IMMP2L: variants seen among roughly 807,000 people sequenced by gnomAD.
The protein encoded by IMMP2L is mitochondrial inner membrane protease subunit 2.
Under a neutral mutation model 19.3 loss-of-function variants are expected in IMMP2L, and 18 were observed. That is an observed-to-expected ratio of 0.93 (90% CI 0.64 to 1.38). The LOEUF is 1.38. Ranked by LOEUF, IMMP2L falls within the 40% of genes most tolerant of loss-of-function variation. The pLI is 0.00. For synonymous variants in IMMP2L, 76 were observed against 73.0 expected (o/e 1.04, Z -0.21); for missense variants, 233 against 218.2 (o/e 1.07, Z -0.43).
At chr7:111,313,740 A>G (rs552298571) in intron 3 of IMMP2L, among the ~76,000 whole-genome samples, 2 of 152,222 alleles carry the variant, frequency 1.3e-5, no homozygotes, top group African/African-American at 2.4e-5. Context: ...TAACTAGACT[A>G]TGTGTATCAG....
At chr7:111,223,550 C>G (rs567170924) in intron 3 of IMMP2L, among the ~76,000 whole-genome samples, 2 of 152,118 alleles carry the variant, frequency 1.3e-5, no homozygotes, top group South Asian at 2.1e-4. Flanking sequence ...TCTTCAAAAC[C>G]CTTTTTCATT....
At chr7:110,675,704 C>T (rs755694655) in intron 5 of IMMP2L, among the ~76,000 whole-genome samples, 7 of 152,132 alleles carry the variant, frequency 4.6e-5, no homozygotes, top group Non-Finnish European at 8.8e-5. Context: ...ATAAAACTTA[C>T]AGTTTTAAAA....
chr7:110,950,841 CATATATATATATATATAT>C (rs34797718), intron 4 of IMMP2L, among the ~76,000 whole-genome samples: 5 of 100,612 alleles, frequency 5.0e-5, no homozygotes, highest in East Asian at 5.9e-4. Flanking sequence ...CAAAATGTGG[CATATATATATATATATAT>C]ATATATATAT....
rs182112196 is a variant in IMMP2L at position 111,317,034 on chromosome 7, G to A, written c.239+170204C>T. Among the ~76,000 whole-genome samples the A allele has an allele frequency of 3.5e-3, 524 of 151,844 alleles. 6 individuals carry two copies. The highest frequency in any genetic ancestry group is 0.012 in the African/African-American group (506 of 41,430). ...CCAACTAATTTTTGTATTTTTAGTAGAGACGGGGTTTCACCATGTTGGCCA... is the reference window on the plus strand; with the variant it reads ...CCAACTAATTTTTGTATTTTTAGTAAAGACGGGGTTTCACCATGTTGGCCA... On this transcript the variant is annotated intron_variant, in intron 3 of 5. Coordinates refer to ENST00000405709, the MANE Select transcript of IMMP2L (RefSeq NM_032549.4).
chr7:111,190,099 T>C (rs963545231), intron 3 of IMMP2L, among the ~76,000 whole-genome samples: 7 of 152,122 alleles, frequency 4.6e-5, no homozygotes, highest in Admixed American at 2.6e-4. Flanking sequence ...TTTTACAGCA[T>C]CATCTCATAC....
intron 3 of IMMP2L, among the ~76,000 whole-genome samples, chr7:111,373,820 G>A (rs1830448639): frequency 6.6e-6 from 1 of 151,990 alleles, no homozygotes. Flanking sequence ...AAGCATGAAT[G>A]AAGAACACGA....
intron 4 of IMMP2L, among the ~76,000 whole-genome samples, chr7:110,960,319 C>T (rs1483722241): frequency 6.6e-6 from 1 of 151,816 alleles, no homozygotes; most frequent in Non-Finnish European, 1.5e-5. Context: ...TTTCATACTC[C>T]CCCAACACAA....
Position 111,123,434 on chromosome 7 carries a change from G to A in IMMP2L, c.240-159869C>T, listed in dbSNP as rs1416903685. The stretch of plus-strand genomic sequence containing the variant: ...AATCTTCGCAGCCTGGTTATAGCTG[G>A]TATAAACCTCACAGAAATACCAGAT... On this transcript the variant is annotated intron_variant, in intron 3 of 5. Transcript: ENST00000405709. The surrounding 1 kb of genome is among the most constrained non-coding windows in gnomAD (Gnocchi z 6.4). 1 of 1,613,512 alleles carries A rather than the reference G, an allele frequency of 6.2e-7. No homozygotes were observed. The highest frequency in any genetic ancestry group is 2.2e-5 in the East Asian group (1 of 44,858).
At chr7:111,139,837 A>C (rs1802701031) in intron 3 of IMMP2L, among the ~76,000 whole-genome samples, 1 of 152,294 alleles carries the variant, frequency 6.6e-6, no homozygotes, top group South Asian at 2.1e-4. Flanking sequence ...TTCAACTCAC[A>C]ATTTCCCAGC....
intron 4 of IMMP2L, among the ~76,000 whole-genome samples, chr7:110,913,650 G>A (rs1273553281): frequency 6.6e-6 from 1 of 152,120 alleles, no homozygotes; most frequent in Non-Finnish European, 1.5e-5. Flanking sequence ...GCTCCATCAA[G>A]GTTAAGGCAA....
At chr7:111,030,888 A>G (rs58652038) in intron 3 of IMMP2L, among the ~76,000 whole-genome samples, 219 of 1,744 alleles carry the variant, frequency 0.13, 1 homozygote, top group African/African-American at 0.22. Flanking sequence ...GTGTGTGTAT[A>G]TATATATATA....
intron 3 of IMMP2L, among the ~76,000 whole-genome samples, chr7:111,442,917 C>G (rs1482799336): frequency 6.6e-6 from 1 of 151,900 alleles, no homozygotes; most frequent in East Asian, 1.9e-4. Flanking sequence ...ACCATTTAAA[C>G]AGAACAGAAA....
chr7:111,334,468 A>G (rs764862724), intron 3 of IMMP2L, among the ~76,000 whole-genome samples: 4 of 152,082 alleles, frequency 2.6e-5, no homozygotes, highest in Non-Finnish European at 2.9e-5. Context: ...GCATCAGTTG[A>G]TTGGCACTTA....
At chr7:111,158,561 GT>G (rs1804901871) in intron 3 of IMMP2L, among the ~76,000 whole-genome samples, 1 of 152,092 alleles carries the variant, frequency 6.6e-6, no homozygotes, top group South Asian at 2.1e-4. Context: ...CAAAACTCTA[GT>G]TTTTCGAATC....
chr7:110,885,094 C>T (rs1361911433), intron 5 of IMMP2L, among the ~76,000 whole-genome samples: 2 of 151,840 alleles, frequency 1.3e-5, no homozygotes, highest in Non-Finnish European at 2.9e-5. Context: ...ACAAACATAT[C>T]TAAAGGTATT....
chr7:110,825,422 C>T (rs1003754367), intron 5 of IMMP2L, among the ~76,000 whole-genome samples: 2 of 152,124 alleles, frequency 1.3e-5, no homozygotes, highest in African/African-American at 4.8e-5. Flanking sequence ...CATCATGCTA[C>T]CTGACTTCAA....
At chr7:111,502,977 G>C (rs1338731652) in intron 2 of IMMP2L, among the ~76,000 whole-genome samples, 1 of 150,274 alleles carries the variant, frequency 6.7e-6, no homozygotes, top group Non-Finnish European at 1.5e-5. Flanking sequence ...AATCAGAGCA[G>C]AACTGAAGGA....
chr7:110,882,369 C>T (rs888419107), intron 5 of IMMP2L, among the ~76,000 whole-genome samples: 6 of 139,220 alleles, frequency 4.3e-5, no homozygotes, highest in Admixed American at 7.0e-5. Context: ...CTCTCTCTCT[C>T]TCTCTCCCTC....
intron 3 of IMMP2L, among the ~76,000 whole-genome samples, chr7:111,177,210 T>C (rs1355589191): frequency 6.6e-6 from 1 of 152,070 alleles, no homozygotes; most frequent in Non-Finnish European, 1.5e-5. Context: ...GACTGGGTCT[T>C]GCTCTGTCAT....
Sources: gnomAD v4.1 joint callset for allele counts (sites outside exome capture counted in the v4.1 genomes callset) on GRCh38, gnomAD v4.1.1 for gene constraint, Gnocchi (gnomAD v3.1) non-coding constraint, MANE v1.5 for transcripts, NCBI Gene and HGNC (gene_info 2026-07-23, HGNC 2026-07-21) for gene names.